KCNMA1: variants seen among roughly 807,000 people sequenced by gnomAD.
KCNMA1 encodes the protein Calcium-activated potassium channel subunit alpha-1.
In KCNMA1, 29 loss-of-function variants were observed where a neutral mutation model predicts 140.0. The ratio of observed to expected loss-of-function variants is 0.21; its 90% CI spans 0.15 to 0.28. The LOEUF (loss-of-function observed/expected upper bound fraction) is 0.28, where lower values mean the gene tolerates loss of function less well. Among genes scored for constraint, KCNMA1 ranks in the 10% least tolerant of loss-of-function variants. The pLI is 1.00. For synonymous variants in KCNMA1, 612 were observed against 611.9 expected, an observed-to-expected ratio of 1.00 and a Z score of 0.00; for missense variants, 880 against 1,602.2, an observed-to-expected ratio of 0.55 and a Z score of 7.70.
intron 1 of KCNMA1, among the ~76,000 whole-genome samples, chr10:77,451,872 T>C (rs1465744570): frequency 1.3e-5 from 2 of 152,186 alleles, no homozygotes; most frequent in African/African-American, 2.4e-5. Flanking sequence ...ACAAAACATA[T>C]TTGAAATGTA....
chr10:77,260,047 C>G (rs928539171), intron 2 of KCNMA1, among the ~76,000 whole-genome samples: 1 of 152,154 alleles, frequency 6.6e-6, no homozygotes, highest in Non-Finnish European at 1.5e-5. Flanking sequence ...CTGAGTGAGA[C>G]CCTGAAGTTT....
intron 14 of KCNMA1, among the ~76,000 whole-genome samples, chr10:77,069,501 G>T (rs573133501): frequency 3.7e-4 from 57 of 152,214 alleles, no homozygotes; most frequent in Non-Finnish European, 5.1e-4. Context: ...ATGCCTTGAA[G>T]TTTAAATGGA....
intron 2 of KCNMA1, among the ~76,000 whole-genome samples, chr10:77,382,865 C>CAAAAAAA (rs767673552): frequency 8.4e-5 from 4 of 47,608 alleles, no homozygotes; most frequent in African/African-American, 1.2e-4. Context: ...AGCTCCGTCT[C>CAAAAAAA]AAAAAAAAAA....
At chr10:76,956,442 A>G (rs1159338449) in intron 20 of KCNMA1, among the ~76,000 whole-genome samples, 2 of 152,090 alleles carry the variant, frequency 1.3e-5, no homozygotes, top group Non-Finnish European at 2.9e-5. Context: ...AATATAAACA[A>G]TCCAGGATTT....
intron 1 of KCNMA1, among the ~76,000 whole-genome samples, chr10:77,408,022 C>T (rs1218670405): frequency 1.3e-5 from 2 of 152,278 alleles, no homozygotes; most frequent in South Asian, 2.1e-4. Context: ...TTCTAGTAGG[C>T]GCTGTGTGAC....
At chr10:77,299,116 A>G (rs934695375) in intron 2 of KCNMA1, among the ~76,000 whole-genome samples, 1 of 152,204 alleles carries the variant, frequency 6.6e-6, no homozygotes, top group Non-Finnish European at 1.5e-5. Flanking sequence ...GACTATTTAA[A>G]TTTAGATTTG....
Position 77,182,337 on chromosome 10 carries a change from C to T in KCNMA1, c.808+1084G>A, listed in dbSNP as rs115188019. 9.0e-3 allele frequency among the ~76,000 whole-genome samples: 1,367 copies of T among 152,296 alleles called. 28 individuals are homozygous for T. Among genetic ancestry groups the T allele is most frequent in the African/African-American group, 0.032 (1,312 of 41,554 alleles). On this transcript the variant is annotated intron_variant, in intron 5 of 27. Coordinates refer to ENST00000286628, the MANE Select transcript of KCNMA1 (RefSeq NM_001161352.2). The stretch of plus-strand genomic sequence containing the variant: ...TACAAACAAATTATGGAATTTTATG[C>T]AACTCTTACAAAATGAGTTATCACA...
intron 2 of KCNMA1, among the ~76,000 whole-genome samples, chr10:77,270,471 C>T (rs570992849): frequency 5.3e-4 from 78 of 148,094 alleles, no homozygotes; most frequent in African/African-American, 2.0e-3. Context: ...TGTTCAAGCT[C>T]TCTTTCTTTC....
chr10:77,505,772 G>A (rs563484368), intron 1 of KCNMA1, among the ~76,000 whole-genome samples: 188 of 152,300 alleles, frequency 1.2e-3, no homozygotes, highest in African/African-American at 4.4e-3. Flanking sequence ...TTTGGTTAAT[G>A]AGGAGCCATG....
intron 2 of KCNMA1, among the ~76,000 whole-genome samples, chr10:77,342,966 C>T (rs1310546026): frequency 1.3e-5 from 2 of 152,254 alleles, no homozygotes; most frequent in Admixed American, 6.5e-5. Context: ...ATCAGGTCTC[C>T]GAGAGCTTTG....
chr10:77,236,496 C>T (rs1196364011), intron 3 of KCNMA1, among the ~76,000 whole-genome samples: 1 of 152,148 alleles, frequency 6.6e-6, no homozygotes, highest in Non-Finnish European at 1.5e-5. Flanking sequence ...CCAAATTCTA[C>T]CCATGCCTTG....
At chr10:77,512,267 A>G (rs1019837536) in intron 1 of KCNMA1, among the ~76,000 whole-genome samples, 2 of 151,998 alleles carry the variant, frequency 1.3e-5, no homozygotes, top group Non-Finnish European at 2.9e-5. Context: ...CCTTTTCCCT[A>G]ATTAGGACTC....
At chr10:77,284,506 T>C (rs1433059109) in intron 2 of KCNMA1, among the ~76,000 whole-genome samples, 2 of 152,022 alleles carry the variant, frequency 1.3e-5, no homozygotes, top group East Asian at 1.9e-4. Flanking sequence ...ACTCTGTTGT[T>C]GTTATTATTA....
chr10:77,589,143 T>C (rs535929140), intron 1 of KCNMA1, among the ~76,000 whole-genome samples: 2 of 152,248 alleles, frequency 1.3e-5, no homozygotes, highest in South Asian at 2.1e-4. Flanking sequence ...CAATCCCTAA[T>C]CTAGTGGGTA....
At chr10:77,143,783 T>C (rs1171371132) in intron 5 of KCNMA1, among the ~76,000 whole-genome samples, 1 of 152,040 alleles carries the variant, frequency 6.6e-6, no homozygotes, top group East Asian at 1.9e-4. Flanking sequence ...AGACAATAAA[T>C]TAAAAGATAA....
chr10:77,617,525 G>A (rs1471299452), intron 1 of KCNMA1, among the ~76,000 whole-genome samples: 2 of 152,188 alleles, frequency 1.3e-5, no homozygotes, highest in Non-Finnish European at 2.9e-5. Context: ...GCTGCAGACA[G>A]GGATAAGAAG....
At chr10:76,970,543 C>G (rs2075784041) in intron 19 of KCNMA1, 1 of 207,394 alleles carries the variant, frequency 4.8e-6, no homozygotes, top group Non-Finnish European at 9.8e-6. Flanking sequence ...GTTCCTAACC[C>G]CTGCATACCA....
At chr10:77,318,821 G>A (rs2081562829) in intron 2 of KCNMA1, among the ~76,000 whole-genome samples, 1 of 152,106 alleles carries the variant, frequency 6.6e-6, no homozygotes, top group Non-Finnish European at 1.5e-5. Context: ...GAGAGCAGTT[G>A]GAGACTTCGT....
At chr10:76,999,182 TA>T (rs1195968805) in intron 19 of KCNMA1, among the ~76,000 whole-genome samples, 1 of 152,250 alleles carries the variant, frequency 6.6e-6, no homozygotes, top group Non-Finnish European at 1.5e-5. Flanking sequence ...ATGGTTGGAT[TA>T]AATTGCACAG....
Sources: allele counts gnomAD v4.1 joint callset (sites outside exome capture counted in the v4.1 genomes callset), GRCh38; gene constraint gnomAD v4.1.1; transcripts MANE v1.5; gene names NCBI Gene and HGNC (gene_info 2026-07-23, HGNC 2026-07-21).